Variants in CIST1 observed in about 807,000 individuals in gnomAD.
The protein encoded by CIST1 is colon, intestine and stomach enriched 1.
the CIST1 span, among the ~76,000 whole-genome samples, chr19:18,253,563 A>AAAC: frequency 0.08 from 11,372 of 141,626 alleles, 1,599 homozygotes; most frequent in African/African-American, 0.28. Context: ...AAAAAAAAAA[A>AAAC]ACACACACAC....
At chr19:18,254,737 C>T in the CIST1 span, among the ~76,000 whole-genome samples, 1 of 152,128 alleles carries the variant, frequency 6.6e-6, no homozygotes, top group East Asian at 1.9e-4. Flanking sequence ...ATGCGAGAAG[C>T]TCAAGGCTCC....
the CIST1 span, chr19:18,251,958 C>A: frequency 1.1e-4 from 44 of 397,550 alleles, no homozygotes; most frequent in Middle Eastern, 6.2e-4. Context: ...AGAAGCCCTT[C>A]CTAGAGCATT....
the CIST1 span, chr19:18,252,013 C>T: frequency 2.5e-6 from 1 of 398,556 alleles, no homozygotes; most frequent in East Asian, 3.6e-5. Context: ...AAAACTGCAG[C>T]CTGTTACACC....
At chr19:18,252,365 G>A in the CIST1 span, 53 of 399,196 alleles carry the variant, frequency 1.3e-4, no homozygotes, top group East Asian at 1.5e-3. Flanking sequence ...TGGTGCTGGA[G>A]TAGGATTTGG....
chr19:18,252,871 T>C, the CIST1 span, among the ~76,000 whole-genome samples: 1 of 152,234 alleles, frequency 6.6e-6, no homozygotes, highest in Non-Finnish European at 1.5e-5. Context: ...CCTCCCAAAG[T>C]GCTGGGATTA....
the CIST1 span, among the ~76,000 whole-genome samples, chr19:18,253,504 T>A: frequency 1.3e-5 from 2 of 150,516 alleles, no homozygotes; most frequent in Non-Finnish European, 2.9e-5. Flanking sequence ...TAAGCCATGA[T>A]CATGCCACTG....
the CIST1 span, chr19:18,252,153 G>T: frequency 7.5e-6 from 3 of 399,304 alleles, no homozygotes; most frequent in East Asian, 1.1e-4. Flanking sequence ...CGGGGTCAGG[G>T]ATTCGGAACT....
the CIST1 span, chr19:18,250,163 G>T: frequency 2.5e-6 from 1 of 398,712 alleles, no homozygotes. Flanking sequence ...AGGACAATCT[G>T]TCATTCACGG....
the CIST1 span, chr19:18,252,274 A>G: frequency 2.5e-6 from 1 of 399,026 alleles, no homozygotes; most frequent in Non-Finnish European, 4.4e-6. Flanking sequence ...GAATCTGTGG[A>G]GCTGGGGCTC....
the CIST1 span, chr19:18,252,351 C>T: frequency 5.0e-6 from 2 of 399,092 alleles, no homozygotes; most frequent in South Asian, 1.3e-4. Context: ...TGTCTCCAAA[C>T]TCATGGTGCT....
the CIST1 span, chr19:18,250,065 G>C: frequency 7.5e-6 from 3 of 398,698 alleles, no homozygotes; most frequent in East Asian, 7.1e-5. Flanking sequence ...TATTTCCTCA[G>C]GTTCTGCTCC....
At chr19:18,250,158 A>C in the CIST1 span, 1 of 398,682 alleles carries the variant, frequency 2.5e-6, no homozygotes. Flanking sequence ...GGCAAAGGAC[A>C]ATCTGTCATT....
chr19:18,252,144 G>A, the CIST1 span: 1 of 399,226 alleles, frequency 2.5e-6, no homozygotes, highest in East Asian at 3.6e-5. Flanking sequence ...GCTCCAGTGC[G>A]GGGTCAGGGA....
the CIST1 span, among the ~76,000 whole-genome samples, chr19:18,254,574 G>C: frequency 1.3e-5 from 2 of 152,166 alleles, no homozygotes; most frequent in African/African-American, 2.4e-5. Context: ...TATGAAATGG[G>C]GATAAAAGTG....
chr19:18,252,885 G>T, the CIST1 span, among the ~76,000 whole-genome samples: 1 of 152,176 alleles, frequency 6.6e-6, no homozygotes. Flanking sequence ...GGGATTACAG[G>T]CATAAGCCAT....
the CIST1 span, chr19:18,252,318 G>T: frequency 2.5e-6 from 1 of 399,122 alleles, no homozygotes; most frequent in East Asian, 3.6e-5. Flanking sequence ...TGAACTTGAG[G>T]GGCTGAGGTG....
chr19:18,253,953 T>G, the CIST1 span, among the ~76,000 whole-genome samples: 2 of 152,228 alleles, frequency 1.3e-5, no homozygotes, highest in African/African-American at 2.4e-5. Context: ...CCAAACTTTG[T>G]GCTTCCTCCT....
At chr19:18,255,305 C>T in the CIST1 span, 4 of 399,180 alleles carry the variant, frequency 1.0e-5, no homozygotes, top group Non-Finnish European at 1.8e-5. The surrounding 1 kb of genome is among the most constrained non-coding windows in gnomAD (Gnocchi z 4.6). Flanking sequence ...GGGGGCACGC[C>T]ATTCCTGCGC....
the CIST1 span, chr19:18,251,934 A>T: frequency 1.5e-5 from 6 of 396,710 alleles, no homozygotes; most frequent in Non-Finnish European, 2.7e-5. Context: ...GCTTTAGACA[A>T]TGGAGCAGAG....
Sources: allele counts gnomAD v4.1 joint callset (sites outside exome capture counted in the v4.1 genomes callset), GRCh38; gene constraint gnomAD v4.1.1; non-coding constraint Gnocchi (gnomAD v3.1); transcripts MANE v1.5; gene names NCBI Gene and HGNC (gene_info 2026-07-23, HGNC 2026-07-21).